The following DNAJC17 variants were observed in gnomAD, a reference collection of about 807,000 sequenced individuals.
DNAJC17 encodes DnaJ heat shock protein family (Hsp40) member C17.
DNAJC17 carries 35 observed loss-of-function variants against 48.1 expected under a neutral mutation model. The ratio of observed to expected loss-of-function variants is 0.73; its 90% CI spans 0.56 to 0.96. DNAJC17 has a LOEUF of 0.96. Among genes scored for constraint, DNAJC17 ranks in the 50% least tolerant of loss-of-function variants. DNAJC17 has a pLI of 0.00. For synonymous variants in DNAJC17, 117 were observed against 142.7 expected (o/e 0.82, Z 1.28); for missense variants, 355 against 377.1 (o/e 0.94, Z 0.48).
At chr15:40,784,149 G>C (rs1404662971) in intron 1 of DNAJC17, among the ~76,000 whole-genome samples, 1 of 152,070 alleles carries the variant, frequency 6.6e-6, no homozygotes, top group Non-Finnish European at 1.5e-5. Flanking sequence ...CTGGGAGGCG[G>C]AGGTTGCAGT....
chr15:40,792,956 C>T lies in DNAJC17; in HGVS notation c.79-12959G>A, dbSNP rs139950166. ...GTCACCCAGGCTGGAGTGCATGGCA[C>T]GATCTCAGCTCACTGCAAGCTCTGC... On this transcript the variant is annotated intron_variant, in intron 1 of 10. Coordinates refer to ENST00000220496, the MANE Select transcript of DNAJC17 (RefSeq NM_018163.3). Among the ~76,000 whole-genome samples the T allele has an allele frequency of 2.4e-4, 35 of 146,398 alleles. 1 individual carries two copies. In the South Asian group the frequency reaches 3.0e-3, roughly 13 times the overall value.
chr15:40,780,074 A>G, intron 1 of DNAJC17, 77 bp from the exon 2 acceptor site: 1 of 1,397,478 alleles, frequency 7.2e-7, no homozygotes, highest in Non-Finnish European at 1.0e-6. Flanking sequence ...TCAATGGGTA[A>G]GGGGAATCCC....
intron 1 of DNAJC17, among the ~76,000 whole-genome samples, chr15:40,788,028 G>A (rs1165751705): frequency 6.6e-6 from 1 of 152,148 alleles, no homozygotes; most frequent in Non-Finnish European, 1.5e-5. Flanking sequence ...GAGGGAGGCA[G>A]CTCTATGTGA....
At chr15:40,801,329 T>C (rs1890066966) in intron 1 of DNAJC17, among the ~76,000 whole-genome samples, 1 of 151,862 alleles carries the variant, frequency 6.6e-6, no homozygotes, top group African/African-American at 2.4e-5. Context: ...TGCCATGAAA[T>C]AGAATATAAG....
Position 40,779,258 on chromosome 15 carries a change from T to C in DNAJC17, c.260A>G (p.Gln87Arg). 1 of 1,614,198 alleles carries C rather than the reference T, an allele frequency of 6.2e-7. No homozygotes were observed. Among genetic ancestry groups the C allele is most frequent in the Non-Finnish European group, 8.5e-7 (1 of 1,180,030 alleles). The change falls in exon 4 of 11, where the codon CAG becomes CGG. Residue 87 changes from glutamine to arginine, a missense_variant. Physicochemically the swap from Gln to Arg is conservative, Grantham distance 43. Around this residue, in one of 3 missense-constraint regions of DNAJC17, gnomAD observed 199 missense variants for 199.9 expected, o/e 1.00. Transcript: ENST00000220496. ...KAKKQAAERT[Q>R]KLDEKRKKVK... ...TTTCTTCCTTTTCTCATCAAGTTTC[T>C]GGGTCCTCTCTGCTGCTTGCTTCTT...
chr15:40,774,986 C>T (rs367773868), intron 8 of DNAJC17, 45 bp downstream of exon 8: 162 of 1,600,198 alleles, frequency 1.0e-4, no homozygotes, highest in South Asian at 4.2e-4. Flanking sequence ...TGGACTGAGA[C>T]GTGGACTGAG....
Position 40,770,554 on chromosome 15 carries a change from T to G in DNAJC17, c.793-2492A>C, listed in dbSNP as rs529230802. ...GCCTCCTTCTTCAAGCAGCTGAGCC[T>G]GGGGCGGCCACGGCGGCTCCGGCGA... is the stretch of plus-strand genomic sequence containing the variant. On this transcript the variant is annotated intron_variant, in intron 10 of 10. Coordinates refer to ENST00000220496, the MANE Select transcript of DNAJC17 (RefSeq NM_018163.3). The surrounding 1 kb of genome is among the most constrained non-coding windows in gnomAD (Gnocchi z 5.0). The G allele has an allele frequency of 1.2e-5, 19 of 1,550,680 alleles. No individual in the cohort carries two copies. In the South Asian group the frequency reaches 2.0e-4, roughly 17 times the overall value.
intron 1 of DNAJC17, among the ~76,000 whole-genome samples, chr15:40,803,950 AT>A (rs1890137121): frequency 9.6e-6 from 1 of 104,574 alleles, no homozygotes; most frequent in Non-Finnish European, 1.8e-5. Flanking sequence ...ACCCATTTTC[AT>A]TATGCACACT....
At chr15:40,791,833 G>A (rs993292533) in intron 1 of DNAJC17, among the ~76,000 whole-genome samples, 3 of 152,076 alleles carry the variant, frequency 2.0e-5, no homozygotes, top group Admixed American at 6.6e-5. Context: ...CAACAAGAGC[G>A]AAACTCCATC....
chr15:40,776,223 G>T lies in DNAJC17; in HGVS notation c.451C>A (p.Arg151Ser). The T allele has an allele frequency of 5.0e-6, 8 of 1,614,066 alleles. No homozygotes were observed. The highest frequency in any genetic ancestry group is 6.8e-6 in the Non-Finnish European group (8 of 1,180,010). ...EQQRLIREQI[R>S]QERDQRLRGK... ...CTCAACCTCTGGTCACGCTCCTGGC[G>T]TATCTGCTCCCGGATGAGCCTCTGC... The change falls in exon 6 of 11, where the codon CGC becomes AGC. Residue 151 changes from arginine to serine, a missense_variant. This residue lies in a region of DNAJC17 where 199 missense variants were observed against 199.9 expected (regional missense o/e 1.00). Coordinates refer to ENST00000220496, the MANE Select transcript of DNAJC17 (RefSeq NM_018163.3).
At chr15:40,774,285 C>T in intron 9 of DNAJC17, 71 bp downstream of exon 9, 1 of 1,532,256 alleles carries the variant, frequency 6.5e-7, no homozygotes, top group East Asian at 2.2e-5. Context: ...ACTCAGAGGG[C>T]CCACAGAATT....
In DNAJC17 at chr15:40,780,524, AT is replaced by A. The variant is rs150773636; in HGVS notation, c.79-528del. The A allele has an allele frequency of 6.7e-3, 2,462 of 366,170 alleles. 23 individuals are homozygous for A. The highest frequency in any genetic ancestry group is 7.9e-3 in the Non-Finnish European group (1,465 of 185,946). 22.7% of individuals were successfully genotyped at this position (366,170 alleles called of 1,614,324 possible). ...ATCAACGGGGAGACTCATTTAAAAG[AT>A]TATGATTGGCCGGTGCGGTGGCTCA... On this transcript the variant is annotated intron_variant, in intron 1 of 10. Coordinates refer to ENST00000220496, the MANE Select transcript of DNAJC17 (RefSeq NM_018163.3).
chr15:40,765,576 T>C lies in DNAJC17; in HGVS notation c.*2364A>G, dbSNP rs149586555. On this transcript the variant is annotated 3_prime_UTR_variant, in exon 11 of 11. Transcript: ENST00000220496. ...ACCTCAGCCTCAGTAGCTGGAACTA[T>C]AGGCTCGTGATACTTTGCCTGGCTA... 1.5e-3 allele frequency: 469 copies of C among 314,796 alleles called. 3 individuals are homozygous for C. The highest frequency in any genetic ancestry group is 9.3e-3 in the African/African-American group (436 of 46,712). 19.5% of individuals were successfully genotyped at this position (314,796 alleles called of 1,614,324 possible). A position where few individuals can be genotyped will look rare whatever the true frequency, so the allele number is the denominator to read the frequency against.
In DNAJC17 at chr15:40,783,707, A is replaced by AC. The variant is rs1889564956; in HGVS notation, c.79-3711_79-3710insG. ...GGTGAAACTTGTATCTACTAAAAAT[A>AC]TAAAAATTAGCCGGGTGTGGTGGTG... On this transcript the variant is annotated intron_variant, in intron 1 of 10. Transcript: ENST00000220496. Among the ~76,000 whole-genome samples, 7 of 151,560 alleles carry AC rather than the reference A, an allele frequency of 4.6e-5. No individual in the cohort carries two copies. The East Asian group carries it at 1.4e-3, about 30-fold the overall frequency.
At chr15:40,785,003 C>T (rs1889603209) in intron 1 of DNAJC17, among the ~76,000 whole-genome samples, 1 of 152,028 alleles carries the variant, frequency 6.6e-6, no homozygotes, top group African/African-American at 2.4e-5. Flanking sequence ...GAGGCTGAGG[C>T]AGGACAATCG....
At chr15:40,798,129 T>C (rs1889984982) in intron 1 of DNAJC17, among the ~76,000 whole-genome samples, 1 of 152,204 alleles carries the variant, frequency 6.6e-6, no homozygotes, top group Admixed American at 6.5e-5. Flanking sequence ...AAATGTGGTA[T>C]ATACATAAAA....
In DNAJC17 at chr15:40,765,450, T is replaced by C. The variant is rs189546978; in HGVS notation, c.*2490A>G. ...ATTTACATGTTTATTTTGTTTTGTTTTTTTGAAATGGAGTCTCACTCTGTC... is the reference window on the plus strand; with the variant it reads ...ATTTACATGTTTATTTTGTTTTGTTCTTTTGAAATGGAGTCTCACTCTGTC... On this transcript the variant is annotated 3_prime_UTR_variant, in exon 11 of 11. Transcript: ENST00000220496. The C allele has an allele frequency of 1.2e-4, 19 of 157,778 alleles. No individual in the cohort carries two copies. The highest frequency in any genetic ancestry group is 1.7e-4 in the Non-Finnish European group (12 of 71,774). The allele number at this position is 157,778 out of a possible 1,614,324, so 9.8% of individuals were successfully genotyped here. A position where few individuals can be genotyped will look rare whatever the true frequency, so the allele number is the denominator to read the frequency against.
intron 1 of DNAJC17, among the ~76,000 whole-genome samples, chr15:40,781,485 G>A (rs1044036719): frequency 6.6e-6 from 1 of 151,664 alleles, no homozygotes; most frequent in Admixed American, 6.6e-5. Flanking sequence ...GAGTGACAGA[G>A]GGAGACCTTG....
At chr15:40,791,050 A>C (rs1362771726) in intron 1 of DNAJC17, among the ~76,000 whole-genome samples, 1 of 152,052 alleles carries the variant, frequency 6.6e-6, no homozygotes, top group Non-Finnish European at 1.5e-5. Flanking sequence ...TAAATAAAAA[A>C]AAATAGGCCG....
Sources: gnomAD v4.1 joint callset for allele counts (sites outside exome capture counted in the v4.1 genomes callset) on GRCh38, gnomAD v4.1.1 for gene constraint, gnomAD v4.1.1 regional missense constraint, Gnocchi (gnomAD v3.1) non-coding constraint, MANE v1.5 for transcripts, NCBI Gene and HGNC (gene_info 2026-07-23, HGNC 2026-07-21) for gene names.